The following NCOA2 variants were observed in gnomAD, a reference collection of about 807,000 sequenced individuals.
NCOA2 encodes nuclear receptor coactivator 2, also known as class E basic helix-loop-helix protein 75.
In NCOA2, 21 loss-of-function variants were observed where a neutral mutation model predicts 145.1. The ratio of observed to expected loss-of-function variants is 0.14; its 90% CI spans 0.10 to 0.21. The LOEUF (loss-of-function observed/expected upper bound fraction) is 0.21. Ranked by LOEUF, NCOA2 falls within the 10% of genes least tolerant of loss-of-function variation. The pLI, the probability that NCOA2 is intolerant of heterozygous loss-of-function variation, is 1.00. For missense variants in NCOA2, 1,472 were observed against 1,837.6 expected, an observed-to-expected ratio of 0.80 and a Z score of 3.64; for synonymous variants, 619 against 637.5, an observed-to-expected ratio of 0.97 and a Z score of 0.44.
At chr8:70,328,780 T>G (rs775921810) in intron 1 of NCOA2, among the ~76,000 whole-genome samples, 1 of 151,974 alleles carries the variant, frequency 6.6e-6, no homozygotes, top group Non-Finnish European at 1.5e-5. Flanking sequence ...ATAAATAAAA[T>G]TAAAAACAAA....
intron 2 of NCOA2, among the ~76,000 whole-genome samples, chr8:70,251,400 C>G (rs1162003086): frequency 6.6e-6 from 1 of 152,164 alleles, no homozygotes; most frequent in African/African-American, 2.4e-5. Flanking sequence ...GAATAATATA[C>G]AAATAGCATA....
intron 2 of NCOA2, among the ~76,000 whole-genome samples, chr8:70,258,077 G>A (rs1460789656): frequency 5.3e-5 from 8 of 152,034 alleles, no homozygotes; most frequent in South Asian, 2.1e-4. Context: ...CACCATGCTC[G>A]GCTAATTTTT....
At chr8:70,230,649 C>T (rs183178345) in intron 2 of NCOA2, among the ~76,000 whole-genome samples, 84 of 152,252 alleles carry the variant, frequency 5.5e-4, no homozygotes, top group African/African-American at 1.9e-3. Context: ...TTTCCTTATT[C>T]TTTTTGCTAA....
At chr8:70,129,471 G>A (rs781179318) in intron 16 of NCOA2, among the ~76,000 whole-genome samples, 8 of 152,166 alleles carry the variant, frequency 5.3e-5, no homozygotes, top group Non-Finnish European at 1.0e-4. Context: ...TTAAAGACAT[G>A]AATTGAATTG....
chr8:70,405,437 GTTTTTTTTTTTTTTT>G (rs34814735), upstream of NCOA2, among the ~76,000 whole-genome samples: 293 of 59,404 alleles, frequency 4.9e-3, 2 homozygotes, highest in Non-Finnish European at 5.6e-3. Flanking sequence ...ATTTTTAAAG[GTTTTTTTTTTTTTTT>G]TTTTTTTTTT....
chr8:70,232,874 C>CACACACACACACACACAT (rs1358169717), intron 2 of NCOA2, among the ~76,000 whole-genome samples: 1 of 151,604 alleles, frequency 6.6e-6, no homozygotes, highest in Non-Finnish European at 1.5e-5. Context: ...AGAATTTACA[C>CACACACACACACACACAT]ACACACACAC....
intron 12 of NCOA2, among the ~76,000 whole-genome samples, chr8:70,145,343 T>C (rs1356627869): frequency 1.1e-4 from 1 of 8,830 alleles, no homozygotes; most frequent in Admixed American, 1.1e-3. Flanking sequence ...TTTTTTTTTT[T>C]GAGACGGAGT....
chr8:70,223,378 A>G lies in NCOA2; in HGVS notation c.-19-6614T>C, dbSNP rs1004683293. On this transcript the variant is annotated intron_variant, in intron 2 of 22. Coordinates refer to ENST00000452400, the MANE Select transcript of NCOA2 (RefSeq NM_006540.4). ...CTGTACCTATACAAAGAGTGTTTTT[A>G]TCATTTGAGTTGTCAACAGTTCTTA... 3.3e-4 allele frequency among the ~76,000 whole-genome samples: 51 copies of G among 152,324 alleles called. 1 individual carries two copies. The highest frequency in any genetic ancestry group is 1.6e-3 in the Admixed American group (25 of 15,300).
At chr8:70,368,746 A>G (rs1396845560) in intron 1 of NCOA2, among the ~76,000 whole-genome samples, 1 of 152,236 alleles carries the variant, frequency 6.6e-6, no homozygotes, top group East Asian at 1.9e-4. Flanking sequence ...TCAAAAGGAA[A>G]TTAATGCTGC....
chr8:70,409,450 G>A, the NCOA2 span, among the ~76,000 whole-genome samples: 1 of 152,130 alleles, frequency 6.6e-6, no homozygotes, highest in Non-Finnish European at 1.5e-5. Context: ...AAATTCAATG[G>A]AAAAAGGAAA....
At chr8:70,259,255 G>A (rs1823909636) in intron 2 of NCOA2, among the ~76,000 whole-genome samples, 1 of 152,146 alleles carries the variant, frequency 6.6e-6, no homozygotes, top group Non-Finnish European at 1.5e-5. Context: ...CGCTGACAGA[G>A]CCTTTTGGTC....
At chr8:70,193,282 T>A (rs1202611805) in intron 4 of NCOA2, among the ~76,000 whole-genome samples, 1 of 152,084 alleles carries the variant, frequency 6.6e-6, no homozygotes. Context: ...GGTCCAATAA[T>A]CTAATCACCA....
rs1808764109 is a variant in NCOA2, at chr8:70,128,945, C to T, written c.3360G>A (p.Gln1120=). The change falls in exon 17 of 23, where the codon CAG becomes CAA. Residue 1120 remains glutamine, a synonymous_variant. Coordinates refer to ENST00000452400, the MANE Select transcript of NCOA2 (RefSeq NM_006540.4). ...TCTGCTCCAGCATGATGTTGGAATC[C>T]TGACTTGAGAACTGTTCTGGATCTA... is the stretch of plus-strand genomic sequence containing the variant. ...QAVDPEQFSS[Q]DSNIMLEQKA... 1 of 1,608,932 alleles carries T rather than the reference C, an allele frequency of 6.2e-7. No individual in the cohort carries two copies.
intron 6 of NCOA2, among the ~76,000 whole-genome samples, chr8:70,168,942 T>G (rs567152677): frequency 6.6e-6 from 1 of 152,218 alleles, no homozygotes; most frequent in African/African-American, 2.4e-5. Context: ...ATCACTGTTA[T>G]AGTCACTTTG....
At chr8:70,175,117 T>C (rs931154431) in intron 4 of NCOA2, among the ~76,000 whole-genome samples, 1 of 152,238 alleles carries the variant, frequency 6.6e-6, no homozygotes, top group Non-Finnish European at 1.5e-5. Flanking sequence ...TGAGGTTTCA[T>C]GACAGTCCCC....
At chr8:70,439,708 C>T in the NCOA2 span, among the ~76,000 whole-genome samples, 1 of 152,152 alleles carries the variant, frequency 6.6e-6, no homozygotes, top group Non-Finnish European at 1.5e-5. Context: ...AACCCAGATG[C>T]CCACCTGGCT....
chr8:70,190,482 C>A (rs964585742), intron 4 of NCOA2, among the ~76,000 whole-genome samples: 13 of 152,172 alleles, frequency 8.5e-5, no homozygotes, highest in African/African-American at 3.1e-4. Context: ...TTTCCAAAAA[C>A]AGAGAGGGTT....
At chr8:70,254,382 G>T (rs1823454282) in intron 2 of NCOA2, among the ~76,000 whole-genome samples, 1 of 152,134 alleles carries the variant, frequency 6.6e-6, no homozygotes, top group African/African-American at 2.4e-5. Flanking sequence ...GTATCCAAAA[G>T]AACTGAAAGC....
intron 19 of NCOA2, chr8:70,126,594 A>G: frequency 1.7e-6 from 1 of 578,388 alleles, no homozygotes; most frequent in Non-Finnish European, 3.1e-6. Flanking sequence ...GCACTCAGAG[A>G]AAAGGAGGTA....
Sources: allele counts gnomAD v4.1 joint callset (sites outside exome capture counted in the v4.1 genomes callset), GRCh38; gene constraint gnomAD v4.1.1; transcripts MANE v1.5; gene names NCBI Gene and HGNC (gene_info 2026-07-23, HGNC 2026-07-21).